SLC4A1: variants seen among roughly 807,000 people sequenced by gnomAD.
SLC4A1 encodes the protein band 3 anion transport protein.
In SLC4A1, 29 loss-of-function variants were observed where a neutral mutation model predicts 93.1. The observed-to-expected ratio is 0.31, with a 90% CI of 0.23 to 0.42. The LOEUF is 0.42. SLC4A1 is among the 20% of genes least tolerant of loss of function. The pLI, the probability that SLC4A1 is intolerant of heterozygous loss-of-function variation, is 1.00. For missense variants in SLC4A1, 965 were observed against 1,190.1 expected (o/e 0.81, Z 2.78); for synonymous variants, 469 against 497.2 (o/e 0.94, Z 0.76).
rs1598300149 is a variant in SLC4A1 at position 44,258,206 on chromosome 17, C to T, written c.1088-26G>A. 1 of 1,609,382 alleles carries T rather than the reference C, an allele frequency of 6.2e-7. No homozygotes were observed. The highest frequency in any genetic ancestry group is 8.5e-7 in the Non-Finnish European group (1 of 1,176,262). On this transcript the variant is annotated intron_variant, in intron 10 of 19. Coordinates refer to ENST00000262418, the MANE Select transcript of SLC4A1 (RefSeq NM_000342.4). The surrounding 1 kb of genome is among the most constrained non-coding windows in gnomAD (Gnocchi z 6.1). The stretch of plus-strand genomic sequence containing the variant: ...CTGTGGTGGAGGATAAGAGCATGGT[C>T]AGAGGGAGTAGCTGGAGGAGGTGAG...
chr17:44,254,601 T>C lies in SLC4A1; in HGVS notation c.1952A>G (p.His651Arg). ...AAACTCGGAACGCAAGCCCAGTGGG[T>C]GGATGACCCAGCCCCGGGCTGAGGA... Reference protein sequence around the residue: ...SNSSARGWVIHPLGLRSEFPI... With the variant: ...SNSSARGWVIRPLGLRSEFPI... The change falls in exon 16 of 20, where the codon CAC becomes CGC. Residue 651 changes from histidine (H) to arginine (R), a missense_variant. Transcript: ENST00000262418. 1 of 1,613,598 alleles carries C rather than the reference T, an allele frequency of 6.2e-7. No individual in the cohort carries two copies. Among genetic ancestry groups the C allele is most frequent in the Non-Finnish European group, 8.5e-7 (1 of 1,179,892 alleles).
chr17:44,251,646 G>C lies in SLC4A1; in HGVS notation c.2312-58C>G, dbSNP rs1034133876. The C allele has an allele frequency of 6.5e-6, 10 of 1,548,686 alleles. No homozygotes were observed. In the Admixed American group the frequency reaches 1.7e-4, roughly 26 times the overall value. ...TGCCCGAGGCCTGGCACCAGTGGGG[G>C]GTCAGGCCCCTATCTGGGGCTGGGA... On this transcript the variant is annotated intron_variant, in intron 17 of 19. Coordinates refer to ENST00000262418, the MANE Select transcript of SLC4A1 (RefSeq NM_000342.4).
Position 44,261,576 on chromosome 17 carries a change from T to C in SLC4A1, c.167A>G (p.Lys56Arg), listed in dbSNP as rs542327721. 1.2e-6 allele frequency: 2 copies of C among 1,614,124 alleles called. No homozygotes were observed. Among genetic ancestry groups the C allele is most frequent in the South Asian group, 1.1e-5 (1 of 91,078 alleles). ...YHTTSHPGTH[K>R]VYVELQELVM... ...AACGGAGGAGGCTGGGGTCCTCACC[T>C]TGTGGGTACCCGGGTGTGATGTGGT... The change falls in exon 4 of 20, where the codon AAG becomes AGG. Residue 56 changes from lysine (K) to arginine (R), a missense_variant and splice_region_variant. Coordinates refer to ENST00000262418, the MANE Select transcript of SLC4A1 (RefSeq NM_000342.4).
In SLC4A1 at chr17:44,262,842, G is replaced by T; in HGVS notation, c.15+10C>A. ...AGGTGGGAGCACTGCTGATGCCAGG[G>T]AACACCCACCTGCAGCTCCTCCATG... On this transcript the variant is annotated intron_variant, in intron 2 of 19. Coordinates refer to ENST00000262418, the MANE Select transcript of SLC4A1 (RefSeq NM_000342.4). 6.2e-7 allele frequency: 1 copy of T among 1,613,870 alleles called. No homozygotes were observed. Among genetic ancestry groups the T allele is most frequent in the Non-Finnish European group, 8.5e-7 (1 of 1,179,750 alleles).
At chr17:44,261,543 T>A (rs891845427) in intron 4 of SLC4A1, 32 bp downstream of exon 4, 5 of 1,614,028 alleles carry the variant, frequency 3.1e-6, no homozygotes, top group Non-Finnish European at 3.4e-6. Context: ...AAAGGCAGCA[T>A]GGGAAAGAAC....
At chr17:44,262,156 AT>A (rs748324431) in intron 3 of SLC4A1, 669 of 711,204 alleles carry the variant, frequency 9.4e-4, no homozygotes, top group Non-Finnish European at 1.1e-3. Flanking sequence ...TTTAATCCCA[AT>A]CTCCAGCACT....
In SLC4A1 at chr17:44,260,498, C is replaced by G. The variant is rs766469709; in HGVS notation, c.391G>C (p.Val131Leu). ...LDLQETSLAG[V>L]ANQLLDRFIF... is the part of the protein sequence containing the mutation. ...AACCTGTCTAGCAGTTGGTTGGCCA[C>G]TCCAGCCAGGGAGGTCTCTTGCAGG... is the stretch of plus-strand genomic sequence containing the variant. The change falls in exon 6 of 20, where the codon GTG (valine) becomes CTG (leucine). Residue 131 changes from valine to leucine, a missense_variant. Transcript: ENST00000262418. 7 of 1,614,192 alleles carry G rather than the reference C, an allele frequency of 4.3e-6. No individual in the cohort carries two copies. Among genetic ancestry groups the G allele is most frequent in the Non-Finnish European group, 5.9e-6 (7 of 1,180,018 alleles).
At position 44,262,643 on chromosome 17, in the gene SLC4A1, C is replaced by T. The variant is rs1196598134; in HGVS notation, c.99G>A (p.Glu33=). Residue 33 remains glutamate, a synonymous_variant, in exon 3 of 20, where the codon GAG becomes GAA. Coordinates refer to ENST00000262418, the MANE Select transcript of SLC4A1 (RefSeq NM_000342.4). ...DPDIPESQME[E]PAAHDTEATA... is the part of the protein sequence containing the mutation. ...GGAGGGAGAGGGGCTCACCTGCCGG[C>T]TCCTCCATCTGGGACTCGGGGATGT... is the stretch of plus-strand genomic sequence containing the variant. 1.2e-6 allele frequency: 2 copies of T among 1,611,226 alleles called. No individual in the cohort carries two copies. The highest frequency in any genetic ancestry group is 2.2e-5 in the East Asian group (1 of 44,756).
In SLC4A1 at chr17:44,257,414, T is replaced by C. The variant is rs747221430; in HGVS notation, c.1562A>G (p.Gln521Arg). ...GGAAATGAGGAAGGAGAAGATCTCC[T>C]GGGTATAGCGGGAGATGAAGCGGAC... is the stretch of plus-strand genomic sequence containing the variant. ...FLVRFISRYT[Q>R]EIFSFLISLI... The change falls in exon 13 of 20, where the codon CAG (glutamine) becomes CGG (arginine). Residue 521 changes from glutamine to arginine, a missense_variant. Coordinates refer to ENST00000262418, the MANE Select transcript of SLC4A1 (RefSeq NM_000342.4). 1 of 1,613,892 alleles carries C rather than the reference T, an allele frequency of 6.2e-7. No homozygotes were observed. Among genetic ancestry groups the C allele is most frequent in the Non-Finnish European group, 8.5e-7 (1 of 1,179,928 alleles).
At position 44,250,292 on chromosome 17, in the gene SLC4A1, T is replaced by C; in HGVS notation, c.*166A>G. ...GCCAGAAAAGCCAGGCTACCCTTTG[T>C]GGAAGGTCTCCTGGACACGCCTTCC... On this transcript the variant is annotated 3_prime_UTR_variant, in exon 20 of 20. Coordinates refer to ENST00000262418, the MANE Select transcript of SLC4A1 (RefSeq NM_000342.4). 1.6e-6 allele frequency: 1 copy of C among 637,322 alleles called. No homozygotes were observed. Among genetic ancestry groups the C allele is most frequent in the Non-Finnish European group, 2.8e-6 (1 of 352,698 alleles). 39.5% of individuals were successfully genotyped at this position (637,322 alleles called of 1,614,324 possible).
intron 17 of SLC4A1, 75 bp downstream of exon 17, chr17:44,253,043 A>T: frequency 6.5e-7 from 1 of 1,537,224 alleles, no homozygotes; most frequent in South Asian, 1.1e-5. Flanking sequence ...CTGGGTCCGA[A>T]CAGAAAGGGG....
chr17:44,267,357 C>A lies in SLC4A1; in HGVS notation c.-69+697G>T, dbSNP rs573337945. Among the ~76,000 whole-genome samples the A allele has an allele frequency of 3.5e-4, 54 of 152,336 alleles. 3 individuals are homozygous for A. Among genetic ancestry groups the A allele is most frequent in the Non-Finnish European group, 4.4e-5 (3 of 68,032 alleles). ...TGATAATGATGCCCATCTCATAGAC[C>A]TGTTGTAAGCATTAAGGAAATTTAC... is the stretch of plus-strand genomic sequence containing the variant. On this transcript the variant is annotated intron_variant, in intron 1 of 19. Transcript: ENST00000262418.
At position 44,254,573 on chromosome 17, in the gene SLC4A1, G is replaced by A. The variant is rs767060898; in HGVS notation, c.1980C>T (p.Pro660=). ...IHPLGLRSEF[P]IWMMFASALP... is the part of the protein sequence containing the mutation. ...GGGCGGAGGCAAACATCATCCAGATGGGAAACTCGGAACGCAAGCCCAGTG... is the reference window on the plus strand; with the variant it reads ...GGGCGGAGGCAAACATCATCCAGATAGGAAACTCGGAACGCAAGCCCAGTG... The change falls in exon 16 of 20, where the codon CCC becomes CCT. Residue 660 remains proline (P), a synonymous_variant. Transcript: ENST00000262418. 56 of 1,613,840 alleles carry A rather than the reference G, an allele frequency of 3.5e-5. No individual in the cohort carries two copies. Among genetic ancestry groups the A allele is most frequent in the Non-Finnish European group, 4.4e-5 (52 of 1,179,898 alleles).
chr17:44,250,612 G>T (rs1005071557), intron 19 of SLC4A1, 74 bp from the exon 20 acceptor site: 4 of 1,178,468 alleles, frequency 3.4e-6, no homozygotes, highest in Non-Finnish European at 3.8e-6. Flanking sequence ...GGCACGAAAG[G>T]CACCTCTGGA....
intron 17 of SLC4A1, 30 bp downstream of exon 17, chr17:44,253,088 T>C: frequency 6.2e-7 from 1 of 1,604,254 alleles, no homozygotes; most frequent in Non-Finnish European, 8.5e-7. Flanking sequence ...GGCAGGAGGA[T>C]GGTGAAGACG....
At position 44,262,896 on chromosome 17, in the gene SLC4A1, G is replaced by A. The variant is rs148028272; in HGVS notation, c.-30C>T. On this transcript the variant is annotated 5_prime_UTR_variant, in exon 2 of 20. Transcript: ENST00000262418. ...TGGTCCTGAGTGTCCAGTTGTCTAC[G>A]GTGATCTGAGCCCCCAGCATAACCC... 2.9e-4 allele frequency: 470 copies of A among 1,613,980 alleles called. 3 individuals carry two copies. In the African/African-American group the frequency reaches 5.2e-3, roughly 18 times the overall value.
intron 1 of SLC4A1, among the ~76,000 whole-genome samples, chr17:44,263,885 C>T (rs902333664): frequency 1.3e-5 from 2 of 151,866 alleles, no homozygotes; most frequent in Non-Finnish European, 2.9e-5. Flanking sequence ...TCCTCCTGGC[C>T]CAGCCTCCTG....
chr17:44,263,705 C>G (rs974420864), intron 1 of SLC4A1, among the ~76,000 whole-genome samples: 1 of 48,000 alleles, frequency 2.1e-5, no homozygotes, highest in Non-Finnish European at 4.3e-5. Context: ...TCCCTCCCTT[C>G]CCTCCTTCCT....
rs907561452 is a variant in SLC4A1 at position 44,258,417 on chromosome 17, G to C, written c.1083C>G (p.Gly361=). ...PAKPDSSFYK[G]LDLNGGPDDP... ...TCAGCTGGGAAGGGCAGGTACCTAG[G>C]CCCTTGTAGAAGCTGGAGTCTGGCT... The change falls in exon 10 of 20, where the codon GGC becomes GGG. Residue 361 remains glycine (G), a synonymous_variant. Coordinates refer to ENST00000262418, the MANE Select transcript of SLC4A1 (RefSeq NM_000342.4). This position sits in a 1 kb window ranked among gnomAD's most constrained non-coding sequence, Gnocchi z 6.1. The C allele has an allele frequency of 1.9e-6, 3 of 1,613,928 alleles. No individual in the cohort carries two copies. The highest frequency in any genetic ancestry group is 1.7e-5 in the Admixed American group (1 of 60,000).
Sources: gnomAD v4.1 joint callset for allele counts (sites outside exome capture counted in the v4.1 genomes callset) on GRCh38, gnomAD v4.1.1 for gene constraint, Gnocchi (gnomAD v3.1) non-coding constraint, MANE v1.5 for transcripts, NCBI Gene and HGNC (gene_info 2026-07-23, HGNC 2026-07-21) for gene names.